Variants in OGA observed in about 807,000 individuals in gnomAD.
OGA encodes the protein protein O-GlcNAcase.
Under a neutral mutation model 102.0 loss-of-function variants are expected in OGA, and 21 were observed. That is an observed-to-expected ratio of 0.21 (90% CI 0.15 to 0.30). The LOEUF (loss-of-function observed/expected upper bound fraction) is 0.30, where lower values mean the gene tolerates loss of function less well. OGA is among the 10% of genes least tolerant of loss of function. OGA has a pLI of 1.00. For missense variants in OGA, 765 were observed against 1,107.8 expected (o/e 0.69, Z 4.39); for synonymous variants, 408 against 378.2 (o/e 1.08, Z -0.91).
intron 4 of OGA, among the ~76,000 whole-genome samples, chr10:101,808,234 T>C (rs2065501666): frequency 6.6e-6 from 1 of 152,208 alleles, no homozygotes; most frequent in Admixed American, 6.5e-5. Context: ...AAATCTGAAA[T>C]GCTCCAATGA....
At position 101,796,493 on chromosome 10, in the gene OGA, C is replaced by G. The variant is rs137857944; in HGVS notation, c.1984+1487G>C. Among the ~76,000 whole-genome samples, 58 of 152,030 alleles carry G rather than the reference C, an allele frequency of 3.8e-4. 2 individuals are homozygous for G. The East Asian group carries it at 0.01, about 26-fold the overall frequency. On this transcript the variant is annotated intron_variant, in intron 10 of 15. Coordinates refer to ENST00000361464, the MANE Select transcript of OGA (RefSeq NM_012215.5). ...GCCAGGCTGGTCTCAAACTCCTGACCTTGTGGTCTGCCCGCCTAGGCCTCC... is the reference window on the plus strand; with the variant it reads ...GCCAGGCTGGTCTCAAACTCCTGACGTTGTGGTCTGCCCGCCTAGGCCTCC...
rs149210411 is a variant in OGA, at chr10:101,803,784, G to A, written c.987C>T (p.Ala329=). The A allele has an allele frequency of 6.2e-6, 10 of 1,614,094 alleles. No homozygotes were observed. The East Asian group carries it at 1.6e-4, about 25-fold the overall frequency. The change falls in exon 7 of 16, where the codon GCC becomes GCT. Residue 329 remains alanine (A), a synonymous_variant. Transcript: ENST00000361464. ...CATTCATGTTTGATTTGTACCAGGT[G>A]GCAAGGGTGTGGATAGCAACGTAGT... ...EANYVAIHTL[A]TWYKSNMNGV... is the part of the protein sequence containing the mutation.
intron 14 of OGA, among the ~76,000 whole-genome samples, chr10:101,789,989 A>G (rs1475708709): frequency 4.6e-5 from 7 of 152,164 alleles, no homozygotes; most frequent in Non-Finnish European, 1.0e-4. Flanking sequence ...CAACAACAAC[A>G]TATACTGATG....
At chr10:101,804,857 A>G (rs2135070534) in intron 6 of OGA, among the ~76,000 whole-genome samples, 1 of 152,190 alleles carries the variant, frequency 6.6e-6, no homozygotes, top group South Asian at 2.1e-4. Context: ...CAAGCCTCCC[A>G]CAGCACTGGG....
At chr10:101,798,709 C>T (rs764853314) in intron 9 of OGA, 133 bp downstream of exon 9, 51 of 1,166,340 alleles carry the variant, frequency 4.4e-5, no homozygotes, top group Middle Eastern at 2.8e-4. Flanking sequence ...CCATCATAAC[C>T]GGCCTAAAGA....
In OGA at chr10:101,816,269, C is replaced by T. The variant is rs369736547; in HGVS notation, c.199+1555G>A. ...CAGAGCGAGACTCCGTCTCCCAAAACAAAAACAACAAAACACACAAAAAAT... is the reference window on the plus strand; with the variant it reads ...CAGAGCGAGACTCCGTCTCCCAAAATAAAAACAACAAAACACACAAAAAAT... On this transcript the variant is annotated intron_variant, in intron 1 of 15. Transcript: ENST00000361464. Among the ~76,000 whole-genome samples, 6 of 152,244 alleles carry T rather than the reference C, an allele frequency of 3.9e-5. No individual in the cohort carries two copies. In the South Asian group the frequency reaches 6.2e-4, roughly 16 times the overall value.
intron 2 of OGA, 32 bp downstream of exon 2, chr10:101,813,523 T>C (rs1564651394): frequency 7.4e-7 from 1 of 1,359,866 alleles, no homozygotes; most frequent in Non-Finnish European, 1.0e-6. Context: ...AGTTTAAGGT[T>C]CTCCTCTCTC....
intron 7 of OGA, among the ~76,000 whole-genome samples, chr10:101,802,601 G>C (rs1158372743): frequency 6.7e-6 from 1 of 149,872 alleles, no homozygotes; most frequent in African/African-American, 2.5e-5. Context: ...CCTGGGAGGC[G>C]GAGGTTGCAG....
chr10:101,787,369 G>A lies in OGA; in HGVS notation c.2609C>T (p.Ala870Val). 1 of 1,612,222 alleles carries A rather than the reference G, an allele frequency of 6.2e-7. No individual in the cohort carries two copies. The highest frequency in any genetic ancestry group is 8.5e-7 in the Non-Finnish European group (1 of 1,178,496). Residue 870 changes from alanine to valine, a missense_variant, in exon 15 of 16, where the codon GCT (alanine) becomes GTT (valine). Transcript: ENST00000361464. ...MMACLLSSLKANGSRGAFCEV... is the reference protein window; with the variant it reads ...MMACLLSSLKVNGSRGAFCEV... ...CTCCACAAATATGTACTCACCATTA[G>A]CCTTCAGTGAAGACAGGAGGCAAGC...
chr10:101,817,707 A>C, intron 1 of OGA, 117 bp downstream of exon 1: 1 of 1,186,558 alleles, frequency 8.4e-7, no homozygotes, highest in Non-Finnish European at 1.2e-6. Context: ...TAGGAGGGCC[A>C]CATTTCAGAC....
chr10:101,818,298 T>G lies in OGA; in HGVS notation c.-276A>C. ...CGGAGAGCGAGGCTGTGACCTCTCG[T>G]TCCCTGGAAGAAGACGGCCAAGGGT... On this transcript the variant is annotated 5_prime_UTR_variant, in exon 1 of 16. Coordinates refer to ENST00000361464, the MANE Select transcript of OGA (RefSeq NM_012215.5). 23 of 1,205,986 alleles carry G rather than the reference T, an allele frequency of 1.9e-5. No individual in the cohort carries two copies. The highest frequency in any genetic ancestry group is 1.6e-4 in the East Asian group (4 of 25,690). The allele number at this position is 1,205,986 out of a possible 1,614,324, so 74.7% of individuals were successfully genotyped here. A position where few individuals can be genotyped will look rare whatever the true frequency, so the allele number is the denominator to read the frequency against.
Position 101,784,731 on chromosome 10 carries a change from G to A in OGA, c.*1720C>T, listed in dbSNP as rs965768844. 2.0e-5 allele frequency: 3 copies of A among 152,184 alleles called. No individual in the cohort carries two copies. Among genetic ancestry groups the A allele is most frequent in the African/African-American group, 7.2e-5 (3 of 41,430 alleles). The allele number at this position is 152,184 out of a possible 1,614,324, so 9.4% of individuals were successfully genotyped here. ...TCCTGAATTCCATGAGGTTAACTCTGAAATCCTCCAAACAAAATGCTAGAA... is the reference window on the plus strand; with the variant it reads ...TCCTGAATTCCATGAGGTTAACTCTAAAATCCTCCAAACAAAATGCTAGAA... On this transcript the variant is annotated 3_prime_UTR_variant, in exon 16 of 16. Transcript: ENST00000361464.
Position 101,806,105 on chromosome 10 carries a change from A to C in OGA, c.691T>G (p.Ser231Ala). 1 of 1,611,760 alleles carries C rather than the reference A, an allele frequency of 6.2e-7. No homozygotes were observed. Among genetic ancestry groups the C allele is most frequent in the East Asian group, 2.2e-5 (1 of 44,882 alleles). ...GTFCYPNVSQSPYLRTVGEKL... is the reference protein window; with the variant it reads ...GTFCYPNVSQAPYLRTVGEKL... ...TCACCCACAGTCCTTAAATATGGAG[A>C]CTGAGACACATTTGGATAACAGAAA... Residue 231 changes from serine (S) to alanine (A), a missense_variant, in exon 6 of 16, where the codon TCT (serine) becomes GCT (alanine). By Grantham distance (99) the Ser-to-Ala change is moderately conservative. Coordinates refer to ENST00000361464, the MANE Select transcript of OGA (RefSeq NM_012215.5).
At chr10:101,798,504 G>C (rs11191117) in intron 9 of OGA, among the ~76,000 whole-genome samples, 1 of 149,274 alleles carries the variant, frequency 6.7e-6, no homozygotes, top group East Asian at 2.0e-4. Context: ...TCCGCCTCCC[G>C]GGTTCTTCAA....
chr10:101,799,151 G>A lies in OGA; in HGVS notation c.1500C>T (p.Asp500=). 6.2e-7 allele frequency: 1 copy of A among 1,614,164 alleles called. No homozygotes were observed. The highest frequency in any genetic ancestry group is 8.5e-7 in the Non-Finnish European group (1 of 1,180,000). ...AKMAEELKPM[D]TDKESIAESK... ...ATTCAGCTATGCTCTCTTTATCAGT[G>A]TCCATTGGTTTCAATTCCTCTGCCA... Residue 500 remains aspartate, a synonymous_variant, in exon 9 of 16, where the codon GAC becomes GAT. Transcript: ENST00000361464.
chr10:101,793,844 T>G (rs2065285840), intron 11 of OGA, 69 bp downstream of exon 11: 1 of 1,168,502 alleles, frequency 8.6e-7, no homozygotes, highest in Non-Finnish European at 1.3e-6. Flanking sequence ...TCCAGCCATC[T>G]GATGCGCAAC....
In OGA at chr10:101,818,168, C is replaced by T; in HGVS notation, c.-146G>A. On this transcript the variant is annotated 5_prime_UTR_variant, in exon 1 of 16. Transcript: ENST00000361464. ...CCTCCCCCTCTGCCCTTCCCCCTCC[C>T]TCTCCGCAGGGACCCGAATGCCCGG... is the stretch of plus-strand genomic sequence containing the variant. 1 of 1,362,770 alleles carries T rather than the reference C, an allele frequency of 7.3e-7. No homozygotes were observed. Among genetic ancestry groups the T allele is most frequent in the Non-Finnish European group, 9.4e-7 (1 of 1,060,770 alleles). The allele number at this position is 1,362,770 out of a possible 1,614,324, so 84.4% of individuals were successfully genotyped here. A position where few individuals can be genotyped will look rare whatever the true frequency, so the allele number is the denominator to read the frequency against.
chr10:101,810,928 T>C (rs933957550), intron 3 of OGA, among the ~76,000 whole-genome samples: 1 of 151,972 alleles, frequency 6.6e-6, no homozygotes, highest in Non-Finnish European at 1.5e-5. Flanking sequence ...TGGCCTCAAG[T>C]GATCCGCCTG....
At chr10:101,810,380 T>A in intron 3 of OGA, 66 bp from the exon 4 acceptor site, 1 of 1,403,196 alleles carries the variant, frequency 7.1e-7, no homozygotes, top group Non-Finnish European at 9.8e-7. Flanking sequence ...CACTGAAGGT[T>A]TAACTGAAGA....
Sources: gnomAD v4.1 joint callset for allele counts (sites outside exome capture counted in the v4.1 genomes callset) on GRCh38, gnomAD v4.1.1 for gene constraint, MANE v1.5 for transcripts, NCBI Gene and HGNC (gene_info 2026-07-23, HGNC 2026-07-21) for gene names.